ZBTB38: variants seen among roughly 807,000 people sequenced by gnomAD.
ZBTB38 encodes the protein zinc finger and BTB domain-containing protein 38.
In ZBTB38, 20 loss-of-function variants were observed where a neutral mutation model predicts 76.8. The observed-to-expected ratio is 0.26, with a 90% CI of 0.18 to 0.38. The LOEUF (loss-of-function observed/expected upper bound fraction) is 0.38, where lower values mean the gene tolerates loss of function less well. Ranked by LOEUF, ZBTB38 falls within the 10% of genes least tolerant of loss-of-function variation. The probability of loss-of-function intolerance (pLI) is 1.00; values close to 1 mark genes in which losing one functional copy is unlikely to be tolerated. For synonymous variants in ZBTB38, 504 were observed against 544.2 expected (o/e 0.93, Z 1.03); for missense variants, 1,082 against 1,482.3 (o/e 0.73, Z 4.43).
rs190713921 is a variant in ZBTB38, at chr3:141,426,307, T to C, written c.1-16082T>C. 4.6e-5 allele frequency: 32 copies of C among 690,182 alleles called. 1 individual carries two copies. The highest frequency in any genetic ancestry group is 3.9e-4 in the South Asian group (25 of 63,380). 42.8% of individuals were successfully genotyped at this position (690,182 alleles called of 1,614,324 possible). A position where few individuals can be genotyped will look rare whatever the true frequency, so the allele number is the denominator to read the frequency against. ...CCCTGGCTCAGTGTCAGTGATATCA[T>C]TGATCTCAAATTCTTTTTGTGGTTC... On this transcript the variant is annotated intron_variant, in intron 5 of 5. Coordinates refer to ENST00000321464, the MANE Select transcript of ZBTB38 (RefSeq NM_001376113.1).
chr3:141,430,747 C>G (rs1366039355), intron 5 of ZBTB38, among the ~76,000 whole-genome samples: 1 of 152,116 alleles, frequency 6.6e-6, no homozygotes, highest in African/African-American at 2.4e-5. Flanking sequence ...ACAACTCATT[C>G]TTGTGATTAG....
chr3:141,375,254 G>A (rs956241176), intron 2 of ZBTB38, among the ~76,000 whole-genome samples: 1 of 152,158 alleles, frequency 6.6e-6, no homozygotes, highest in Admixed American at 6.5e-5. Context: ...TGAAATCACT[G>A]AGGCCCATAA....
intron 1 of ZBTB38, among the ~76,000 whole-genome samples, chr3:141,363,333 G>A (rs1300171036): frequency 6.6e-6 from 1 of 152,210 alleles, no homozygotes; most frequent in African/African-American, 2.4e-5. Context: ...AAATTGATCT[G>A]CAGGTACCAT....
At chr3:141,349,455 CA>C (rs922112494) in intron 1 of ZBTB38, among the ~76,000 whole-genome samples, 3 of 152,016 alleles carry the variant, frequency 2.0e-5, no homozygotes, top group Non-Finnish European at 4.4e-5. Flanking sequence ...ATTCCAGGTG[CA>C]AAAAACAAGC....
upstream of ZBTB38, chr3:141,366,434 G>A (rs1272523560): frequency 3.3e-5 from 5 of 152,222 alleles, no homozygotes; most frequent in Admixed American, 3.3e-4. Context: ...AACTTAAAGC[G>A]ATTTCCTCAG....
intron 2 of ZBTB38, 112 bp downstream of exon 2, chr3:141,370,058 A>G (rs1156577957): frequency 6.6e-6 from 1 of 152,266 alleles, no homozygotes; most frequent in African/African-American, 2.4e-5. Flanking sequence ...ATTTCTGTAC[A>G]CAATGATTAC....
At chr3:141,434,087 G>A in intron 5 of ZBTB38, 1 of 475,604 alleles carries the variant, frequency 2.1e-6, no homozygotes, top group Non-Finnish European at 2.7e-6. Flanking sequence ...GAATCAGATT[G>A]TCCCTGTACT....
chr3:141,424,304 C>G (rs891690370), intron 5 of ZBTB38, among the ~76,000 whole-genome samples: 3 of 152,070 alleles, frequency 2.0e-5, no homozygotes, highest in Non-Finnish European at 2.9e-5. Flanking sequence ...GGATCACTTA[C>G]GCCCAGGAGT....
At chr3:141,380,728 G>A (rs1014228614) in intron 2 of ZBTB38, among the ~76,000 whole-genome samples, 3 of 152,104 alleles carry the variant, frequency 2.0e-5, no homozygotes, top group Admixed American at 1.3e-4. Flanking sequence ...TTCTTTAGTC[G>A]AAAGGAGTTA....
upstream of ZBTB38, chr3:141,367,902 T>C (rs747030122): frequency 9.9e-5 from 15 of 152,238 alleles, no homozygotes; most frequent in Non-Finnish European, 1.5e-4. Flanking sequence ...CACTGAGATA[T>C]AAATATCCCC....
At position 141,445,673 on chromosome 3, in the gene ZBTB38, C is replaced by T. The variant is rs2081016681; in HGVS notation, c.3285C>T (p.His1095=). The part of the protein sequence containing the change: ...ERIHTGEKRY[H]CQFCFQRFLY... Reference sequence around the variant, plus strand: ...TCCATACTGGAGAAAAGCGTTACCACTGTCAGTTCTGCTTTCAGAGATTTT... The same window carrying T: ...TCCATACTGGAGAAAAGCGTTACCATTGTCAGTTCTGCTTTCAGAGATTTT... Residue 1095 remains histidine (H), a synonymous_variant, in exon 6 of 6, where the codon CAC becomes CAT. Transcript: ENST00000321464. This position sits in a 1 kb window ranked among gnomAD's most constrained non-coding sequence, Gnocchi z 6.5. The T allele has an allele frequency of 5.6e-6, 9 of 1,614,230 alleles. No individual in the cohort carries two copies. The East Asian group carries it at 2.0e-4, about 36-fold the overall frequency.
chr3:141,420,860 C>T (rs1215914594), intron 5 of ZBTB38, among the ~76,000 whole-genome samples: 1 of 151,616 alleles, frequency 6.6e-6, no homozygotes, highest in African/African-American at 2.4e-5. Context: ...TCTAAAATAC[C>T]TCAGCAGGCA....
intron 1 of ZBTB38, among the ~76,000 whole-genome samples, chr3:141,350,626 AC>A (rs1943488590): frequency 6.6e-6 from 1 of 152,200 alleles, no homozygotes; most frequent in Non-Finnish European, 1.5e-5. Flanking sequence ...TCCTCAGGTA[AC>A]TTCTTTAGAA....
intron 4 of ZBTB38, chr3:141,394,571 C>T (rs1052416005): frequency 6.6e-6 from 1 of 152,140 alleles, no homozygotes; most frequent in African/African-American, 2.4e-5. Context: ...AATTATTTTC[C>T]CCAAAGTCAG....
chr3:141,408,355 T>C (rs1955363935), intron 5 of ZBTB38, among the ~76,000 whole-genome samples: 1 of 152,224 alleles, frequency 6.6e-6, no homozygotes, highest in African/African-American at 2.4e-5. Context: ...GGGACCAGCC[T>C]GGCCAACGTG....
At chr3:141,401,750 G>GA (rs571160078) in intron 4 of ZBTB38, among the ~76,000 whole-genome samples, 48 of 152,110 alleles carry the variant, frequency 3.2e-4, no homozygotes, top group Middle Eastern at 6.8e-3. Flanking sequence ...GGCCCTCTCT[G>GA]AATACTTTTT....
At chr3:141,407,024 T>G (rs79804601) in intron 5 of ZBTB38, among the ~76,000 whole-genome samples, 172 of 152,364 alleles carry the variant, frequency 1.1e-3, no homozygotes, top group African/African-American at 3.9e-3. Flanking sequence ...AACACATTTC[T>G]GATTATGAAA....
Position 141,444,760 on chromosome 3 carries a change from A to G in ZBTB38, c.2372A>G (p.Glu791Gly). The G allele has an allele frequency of 1.9e-6, 3 of 1,614,186 alleles. No homozygotes were observed. The highest frequency in any genetic ancestry group is 2.5e-6 in the Non-Finnish European group (3 of 1,180,042). ...TSHTRGEIPE[E>G]SNYVADPGGS... ...CATACCAGGGGAGAAATACCGGAGG[A>G]GTCAAACTATGTTGCTGATCCTGGA... Residue 791 changes from glutamate to glycine, a missense_variant, in exon 6 of 6, where the codon GAG (glutamate) becomes GGG (glycine). Glu to Gly is a moderately conservative substitution (Grantham distance 98). Around this residue, in one of 8 missense-constraint regions of ZBTB38, gnomAD observed 471 missense variants for 581.0 expected, o/e 0.81. Transcript: ENST00000321464. The surrounding 1 kb of genome is among the most constrained non-coding windows in gnomAD (Gnocchi z 5.1).
At chr3:141,379,494 A>G (rs1248618753) in intron 2 of ZBTB38, among the ~76,000 whole-genome samples, 2 of 152,136 alleles carry the variant, frequency 1.3e-5, no homozygotes, top group Non-Finnish European at 2.9e-5. Context: ...TAGTTATTAG[A>G]GGGACTCAAC....
Sources: gnomAD v4.1 joint callset for allele counts (sites outside exome capture counted in the v4.1 genomes callset) on GRCh38, gnomAD v4.1.1 for gene constraint, gnomAD v4.1.1 regional missense constraint, Gnocchi (gnomAD v3.1) non-coding constraint, MANE v1.5 for transcripts, NCBI Gene and HGNC (gene_info 2026-07-23, HGNC 2026-07-21) for gene names.